Variants in NEBL observed in about 807,000 individuals in gnomAD.
The protein encoded by NEBL is LIM and SH3 protein 2.
A neutral mutation model predicts 140.2 loss-of-function variants in NEBL; 122 were observed. That is an observed-to-expected ratio of 0.87 (90% CI 0.75 to 1.01). The LOEUF (loss-of-function observed/expected upper bound fraction) is 1.01. Ranked by LOEUF, NEBL falls within the 50% of genes least tolerant of loss-of-function variation. NEBL has a pLI of 0.00. For synonymous variants in NEBL, 436 were observed against 398.9 expected, an observed-to-expected ratio of 1.09 and a Z score of -1.11; for missense variants, 1,365 against 1,231.3, an observed-to-expected ratio of 1.11 and a Z score of -1.62.
intron 2 of NEBL, among the ~76,000 whole-genome samples, chr10:21,039,283 G>T (rs1172501369): frequency 6.6e-6 from 1 of 152,088 alleles, no homozygotes; most frequent in Non-Finnish European, 1.5e-5. Flanking sequence ...TGGTGTTTTA[G>T]TCATGAAGTC....
chr10:21,124,910 C>T (rs927033163), intron 2 of NEBL, among the ~76,000 whole-genome samples: 2 of 152,160 alleles, frequency 1.3e-5, no homozygotes, highest in African/African-American at 4.8e-5. Flanking sequence ...CAGTGAGTTA[C>T]GATCACAGGA....
intron 2 of NEBL, among the ~76,000 whole-genome samples, chr10:21,026,116 T>C (rs1839019487): frequency 6.6e-6 from 1 of 152,158 alleles, no homozygotes; most frequent in South Asian, 2.1e-4. Flanking sequence ...ATGAGAAACA[T>C]TAGTGAACAA....
intron 2 of NEBL, among the ~76,000 whole-genome samples, chr10:21,155,934 G>A (rs1270729192): frequency 1.3e-5 from 2 of 152,140 alleles, no homozygotes; most frequent in Admixed American, 6.5e-5. Context: ...AAGAGGTGGA[G>A]TTGGCCCCCA....
intron 3 of NEBL, among the ~76,000 whole-genome samples, chr10:21,183,586 C>T (rs1249435659): frequency 6.6e-6 from 1 of 152,204 alleles, no homozygotes; most frequent in Non-Finnish European, 1.5e-5. Flanking sequence ...ACATCATTTA[C>T]AAAAGTAGAA....
At chr10:20,787,797 A>C (rs1835558024) in intron 26 of NEBL, among the ~76,000 whole-genome samples, 1 of 152,222 alleles carries the variant, frequency 6.6e-6, no homozygotes, top group Non-Finnish European at 1.5e-5. Context: ...AACATAACGT[A>C]TGTTTAGCAA....
chr10:21,075,580 A>C (rs916689820), intron 2 of NEBL, among the ~76,000 whole-genome samples: 1 of 152,202 alleles, frequency 6.6e-6, no homozygotes, highest in Admixed American at 6.5e-5. Flanking sequence ...AGCACGATGC[A>C]GTTGCCCAAA....
rs956535696 is a variant in NEBL, at chr10:21,085,503, T to G, written c.165-65302A>C. On this transcript the variant is annotated intron_variant, in intron 2 of 6. Transcript: ENST00000417816. ...AAACTTAATTAGCCAAGCATAGTGG[T>G]GCACACCGATGGTCCCAGCTACTTG... is the stretch of plus-strand genomic sequence containing the variant. Among the ~76,000 whole-genome samples, 9 of 152,120 alleles carry G rather than the reference T, an allele frequency of 5.9e-5. No homozygotes were observed. The South Asian group carries it at 1.9e-3, about 31-fold the overall frequency.
At chr10:21,170,559 C>T (rs1363070906) in intron 2 of NEBL, 2 of 152,408 alleles carry the variant, frequency 1.3e-5, no homozygotes, top group African/African-American at 4.8e-5. Context: ...ATACTGAAAC[C>T]TCATTTTTGC....
chr10:21,234,023 A>ATAGT (rs552795736), intron 3 of NEBL, among the ~76,000 whole-genome samples: 3,667 of 138,758 alleles, frequency 0.026, 87 homozygotes, highest in South Asian at 0.074. Flanking sequence ...AGATAGATAG[A>ATAGT]TAGATAGATA....
intron 24 of NEBL, among the ~76,000 whole-genome samples, chr10:20,811,425 T>C (rs2130779414): frequency 6.6e-6 from 1 of 152,296 alleles, no homozygotes; most frequent in Non-Finnish European, 1.5e-5. Context: ...TTAAGATAGT[T>C]CCATCCCTTT....
intron 2 of NEBL, among the ~76,000 whole-genome samples, chr10:21,105,011 A>G (rs1490493775): frequency 6.6e-6 from 1 of 152,194 alleles, no homozygotes; most frequent in African/African-American, 2.4e-5. Flanking sequence ...GTCTGCTGAT[A>G]TGGAAAACAT....
chr10:21,250,254 A>C (rs961577373), intron 2 of NEBL, among the ~76,000 whole-genome samples: 2 of 152,122 alleles, frequency 1.3e-5, no homozygotes, highest in African/African-American at 4.8e-5. Flanking sequence ...GCACCATCTA[A>C]TCAGCTGCCA....
chr10:21,031,978 A>G (rs543916407), intron 2 of NEBL, among the ~76,000 whole-genome samples: 323 of 152,340 alleles, frequency 2.1e-3, no homozygotes, highest in Non-Finnish European at 8.7e-4. Flanking sequence ...TTTTCCCTTG[A>G]ATAAAAAACT....
intron 19 of NEBL, among the ~76,000 whole-genome samples, chr10:20,822,554 T>C (rs1004638228): frequency 1.3e-5 from 2 of 151,576 alleles, no homozygotes; most frequent in South Asian, 2.1e-4. Context: ...TAACTAGATA[T>C]AGAAAGACTA....
intron 4 of NEBL, among the ~76,000 whole-genome samples, chr10:20,953,180 G>A (rs1835589679): frequency 6.6e-6 from 1 of 152,088 alleles, no homozygotes; most frequent in Non-Finnish European, 1.5e-5. Context: ...TTTGGAGAGG[G>A]TGACTTTAAG....
chr10:20,965,473 A>G (rs1836265460), intron 3 of NEBL, among the ~76,000 whole-genome samples: 1 of 152,198 alleles, frequency 6.6e-6, no homozygotes, highest in South Asian at 2.1e-4. Flanking sequence ...GAGGGAACAG[A>G]CAGAGCAAAG....
chr10:21,234,214 T>G (rs1271975513), intron 3 of NEBL, among the ~76,000 whole-genome samples: 1 of 152,026 alleles, frequency 6.6e-6, no homozygotes, highest in East Asian at 1.9e-4. Context: ...GGACCTGATG[T>G]AGTTTCCTCC....
chr10:21,149,747 G>A (rs954225732), intron 2 of NEBL, among the ~76,000 whole-genome samples: 9 of 152,228 alleles, frequency 5.9e-5, no homozygotes, highest in Admixed American at 2.0e-4. Context: ...TGGAGCTTGC[G>A]ATTGGCATTG....
At chr10:21,188,290 C>T (rs1023386740) in intron 3 of NEBL, among the ~76,000 whole-genome samples, 1 of 152,106 alleles carries the variant, frequency 6.6e-6, no homozygotes, top group Admixed American at 6.5e-5. Context: ...CGGAAGTTGT[C>T]GTGTAACACT....
Sources: allele counts gnomAD v4.1 joint callset (sites outside exome capture counted in the v4.1 genomes callset), GRCh38; gene constraint gnomAD v4.1.1; transcripts MANE v1.5; gene names NCBI Gene and HGNC (gene_info 2026-07-23, HGNC 2026-07-21).